SF1: variants seen among roughly 807,000 people sequenced by gnomAD.
SF1 encodes the protein splicing factor 1, also known as branch point-binding protein.
Under a neutral mutation model 62.5 loss-of-function variants are expected in SF1, and 7 were observed. The ratio of observed to expected loss-of-function variants is 0.11; its 90% CI spans 0.06 to 0.21. The LOEUF (loss-of-function observed/expected upper bound fraction) is 0.21, where lower values mean the gene tolerates loss of function less well. SF1 is among the 10% of genes least tolerant of loss of function. SF1 has a pLI of 1.00. For synonymous variants in SF1, 394 were observed against 323.6 expected, an observed-to-expected ratio of 1.22 and a Z score of -2.33; for missense variants, 578 against 884.0, an observed-to-expected ratio of 0.65 and a Z score of 4.39.
intron 1 of SF1, chr11:64,777,572 C>T: frequency 7.1e-6 from 7 of 985,344 alleles, no homozygotes; most frequent in Non-Finnish European, 8.4e-6. Context: ...ATTCTGGTTC[C>T]TCAAGACCAG....
At chr11:64,777,086 C>G (rs1170621007) in intron 1 of SF1, among the ~76,000 whole-genome samples, 1 of 152,248 alleles carries the variant, frequency 6.6e-6, no homozygotes, top group African/African-American at 2.4e-5. Flanking sequence ...CGGACCACAA[C>G]TAAACCTAGT....
Position 64,777,657 on chromosome 11 carries a change from C to A in SF1, c.31+705G>T, listed in dbSNP as rs967740062. ...TTCACAGCTAGCACCCCGTCCAGCG[C>A]TGAACACCCGCCACCCCTGTTCCCG... is the stretch of plus-strand genomic sequence containing the variant. On this transcript the variant is annotated intron_variant, in intron 1 of 12. Transcript: ENST00000377390. 6.1e-6 allele frequency: 6 copies of A among 985,486 alleles called. No individual in the cohort carries two copies. The African/African-American group carries it at 7.0e-5, about 11-fold the overall frequency. 61.0% of individuals were successfully genotyped at this position (985,486 alleles called of 1,614,324 possible).
At position 64,769,648 on chromosome 11, in the gene SF1, T is replaced by C. The variant is rs755839428; in HGVS notation, c.480-39A>G. On this transcript the variant is annotated intron_variant, in intron 5 of 12. Transcript: ENST00000377390. ...AATGACTAAGTTTATACCTGACAAA[T>C]TCACACTCAAGAGGGAAGAGAGGCT... The C allele has an allele frequency of 7.0e-6, 11 of 1,567,798 alleles. No individual in the cohort carries two copies. In the African/African-American group the frequency reaches 1.5e-4, roughly 21 times the overall value.
At chr11:64,767,983 CG>C in intron 9 of SF1, 122 bp downstream of exon 9, 2 of 1,443,010 alleles carry the variant, frequency 1.4e-6, no homozygotes, top group East Asian at 4.7e-5. Flanking sequence ...CCTGAGATCC[CG>C]GAAGAACAAT....
intron 3 of SF1, chr11:64,772,550 A>G (rs1938494774): frequency 1.0e-6 from 1 of 985,292 alleles, no homozygotes; most frequent in Non-Finnish European, 1.2e-6. Context: ...TAACTGGGTA[A>G]CAAAAACCAA....
intron 3 of SF1, chr11:64,772,918 G>T: frequency 1.0e-6 from 1 of 986,864 alleles, no homozygotes; most frequent in Non-Finnish European, 1.2e-6. Context: ...AACTGGCAGT[G>T]AAAGAAGTTG....
intron 3 of SF1, chr11:64,772,261 T>A: frequency 1.0e-6 from 1 of 984,740 alleles, no homozygotes; most frequent in Non-Finnish European, 1.2e-6. Flanking sequence ...AGACATATTA[T>A]TAAAGGGAAA....
intron 1 of SF1, chr11:64,778,090 C>T: frequency 2.2e-6 from 2 of 926,838 alleles, no homozygotes; most frequent in Non-Finnish European, 1.3e-6. Flanking sequence ...GCGGAGGGGG[C>T]GGCTGCGGCG....
At chr11:64,776,244 G>T in intron 2 of SF1, 1 of 416,562 alleles carries the variant, frequency 2.4e-6, no homozygotes, top group South Asian at 2.1e-5. Context: ...GCTGGACTGG[G>T]GACTGTTCTT....
In SF1 at chr11:64,778,456, C is replaced by T. The variant is rs1014670164; in HGVS notation, c.-64G>A. The stretch of plus-strand genomic sequence containing the variant: ...CTGCGGCGGCTTCTCCTTCGCAAGC[C>T]TCCCGGGGGGAGGGGACCCGAATGC... On this transcript the variant is annotated 5_prime_UTR_variant, in exon 1 of 13. Coordinates refer to ENST00000377390, the MANE Select transcript of SF1 (RefSeq NM_004630.4). The T allele has an allele frequency of 1.2e-5, 14 of 1,214,990 alleles. 1 individual carries two copies. The East Asian group carries it at 1.3e-4, about 11-fold the overall frequency. The allele number at this position is 1,214,990 out of a possible 1,614,324, so 75.3% of individuals were successfully genotyped here. A position where few individuals can be genotyped will look rare whatever the true frequency, so the allele number is the denominator to read the frequency against.
rs766480788 is a variant in SF1 at position 64,776,532 on chromosome 11, A to G, written c.126T>C (p.Pro42=). The G allele has an allele frequency of 6.4e-7, 1 of 1,573,838 alleles. No individual in the cohort carries two copies. The highest frequency in any genetic ancestry group is 2.3e-5 in the East Asian group (1 of 43,728). Residue 42 remains proline, a synonymous_variant, in exon 2 of 13, where the codon CCT becomes CCC. Transcript: ENST00000377390. ...CTCTTTCTTGTTCTCGAGTAAGTCC[A>G]GGGGGAATAACTGTAGGCATTCCTG... ...VIPGMPTVIP[P]GLTREQERAY...
chr11:64,769,574 T>C lies in SF1; in HGVS notation c.515A>G (p.Asn172Ser). 1 of 1,614,094 alleles carries C rather than the reference T, an allele frequency of 6.2e-7. No individual in the cohort carries two copies. The highest frequency in any genetic ancestry group is 8.5e-7 in the Non-Finnish European group (1 of 1,180,014). ...TTTCCCCCGGATCATAATCTTGGCA[T>C]TGCACTCCTTCTCTATGTTCTTCAG... ...NTLKNIEKEC[N>S]AKIMIRGKGS... Residue 172 changes from asparagine to serine, a missense_variant, in exon 6 of 13, where the codon AAT (asparagine) becomes AGT (serine). This residue lies in a region of SF1 where 16 missense variants were observed against 59.3 expected (regional missense o/e 0.27). Coordinates refer to ENST00000377390, the MANE Select transcript of SF1 (RefSeq NM_004630.4).
chr11:64,766,251 CTTGCTTGGCATG>C, intron 12 of SF1, 96 bp from the exon 13 acceptor site: 1 of 184,428 alleles, frequency 5.4e-6, no homozygotes, highest in East Asian at 2.2e-4. Flanking sequence ...GCGCCTGCTC[CTTGCTTGGCATG>C]CGGTACGGTG....
chr11:64,767,949 CGAAGTGA>C (rs1740460689), intron 9 of SF1, 105 bp from the exon 10 acceptor site: 3 of 1,495,044 alleles, frequency 2.0e-6, no homozygotes, highest in Non-Finnish European at 2.7e-6. Context: ...AAGGTCTTCC[CGAAGTGA>C]GAAGTCCCCA....
Position 64,778,389 on chromosome 11 carries a change from C to T in SF1, c.4G>A (p.Ala2Thr). M[A>T]TGANATPLDF... Reference sequence around the variant, plus strand: ...AACGGCGTGGCGTTCGCTCCGGTCGCCATGGCGCCCCCGGGGACAGGCACC... The same window carrying T: ...AACGGCGTGGCGTTCGCTCCGGTCGTCATGGCGCCCCCGGGGACAGGCACC... Residue 2 changes from alanine to threonine, a missense_variant, in exon 1 of 13, where the codon GCG becomes ACG. Ala to Thr is a moderately conservative substitution (Grantham distance 58). This residue lies in a region of SF1 where 37 missense variants were observed against 34.6 expected (regional missense o/e 1.07). Coordinates refer to ENST00000377390, the MANE Select transcript of SF1 (RefSeq NM_004630.4). 1 of 1,228,856 alleles carries T rather than the reference C, an allele frequency of 8.1e-7. No individual in the cohort carries two copies. Among genetic ancestry groups the T allele is most frequent in the Non-Finnish European group, 1.0e-6 (1 of 984,954 alleles). 76.1% of individuals were successfully genotyped at this position (1,228,856 alleles called of 1,614,324 possible).
intron 3 of SF1, chr11:64,772,986 G>C: frequency 2.0e-6 from 2 of 994,278 alleles, no homozygotes; most frequent in Non-Finnish European, 2.4e-6. Context: ...GAAGACTGCA[G>C]CAATGAGCTG....
intron 9 of SF1, 123 bp downstream of exon 9, chr11:64,767,983 C>T (rs906146063): frequency 1.7e-5 from 24 of 1,442,892 alleles, no homozygotes; most frequent in Admixed American, 2.4e-5. Context: ...CCTGAGATCC[C>T]GGAAGAACAA....
At chr11:64,772,604 G>A (rs1323920621) in intron 3 of SF1, 5 of 984,788 alleles carry the variant, frequency 5.1e-6, no homozygotes, top group Non-Finnish European at 6.0e-6. Context: ...TATTCTGTAT[G>A]TACTAAGAGA....
rs3832793 is a variant in SF1, at chr11:64,773,272, CCATA to C, written c.236+154_236+157del. ...TTCCAATTTTCTAACTGTTGACTGA[CCATA>C]CATATTTCTAATTAAACCTTAATCC... On this transcript the variant is annotated intron_variant, in intron 3 of 12. Transcript: ENST00000377390. 242 of 1,447,356 alleles carry C rather than the reference CCATA, an allele frequency of 1.7e-4. 2 individuals are homozygous for C. The East Asian group carries it at 6.7e-3, about 40-fold the overall frequency. The allele number at this position is 1,447,356 out of a possible 1,614,324, so 89.7% of individuals were successfully genotyped here.
Sources: gnomAD v4.1 joint callset for allele counts (sites outside exome capture counted in the v4.1 genomes callset) on GRCh38, gnomAD v4.1.1 for gene constraint, gnomAD v4.1.1 regional missense constraint, MANE v1.5 for transcripts, NCBI Gene and HGNC (gene_info 2026-07-23, HGNC 2026-07-21) for gene names.